Variants in PDE2A observed in about 807,000 individuals in gnomAD.
The protein encoded by PDE2A is phosphodiesterase 2A, also known as cGMP-dependent 3',5'-cyclic phosphodiesterase.
PDE2A carries 53 observed loss-of-function variants against 133.6 expected under a neutral mutation model. The ratio of observed to expected loss-of-function variants is 0.40; its 90% CI spans 0.32 to 0.50. The LOEUF is 0.50. Ranked by LOEUF, PDE2A falls within the 20% of genes least tolerant of loss-of-function variation. PDE2A has a pLI of 0.73. For synonymous variants in PDE2A, 491 were observed against 490.2 expected (o/e 1.00, Z -0.02); for missense variants, 796 against 1,232.4 (o/e 0.65, Z 5.30).
intron 30 of PDE2A, among the ~76,000 whole-genome samples, chr11:72,577,842 C>T (rs1211695620): frequency 1.3e-5 from 2 of 152,132 alleles, no homozygotes; most frequent in African/African-American, 4.8e-5. Context: ...CGTGGTGGTG[C>T]ATGCCTGTAA....
chr11:72,668,231 T>C (rs1855293808), intron 1 of PDE2A: 3 of 717,066 alleles, frequency 4.2e-6, no homozygotes, highest in Admixed American at 4.0e-5. Flanking sequence ...CAGTAATGTA[T>C]GGAAAGAGCA....
intron 13 of PDE2A, 66 bp downstream of exon 13, chr11:72,588,718 C>A: frequency 1.3e-6 from 2 of 1,505,852 alleles, no homozygotes; most frequent in Non-Finnish European, 1.8e-6. Flanking sequence ...ACATTGTTAC[C>A]CTCGTGGAGC....
intron 1 of PDE2A, among the ~76,000 whole-genome samples, chr11:72,649,032 G>A (rs144989455): frequency 3.5e-4 from 54 of 152,176 alleles, no homozygotes; most frequent in African/African-American, 1.3e-3. Context: ...CACCCATATG[G>A]CTTCCTATTG....
chr11:72,579,892 G>A (rs139824814), intron 25 of PDE2A: 1 of 431,960 alleles, frequency 2.3e-6, no homozygotes, highest in African/African-American at 2.0e-5. Context: ...GAACATTTTT[G>A]AAATGATCCT....
intron 4 of PDE2A, chr11:72,599,151 T>C (rs1015395541): frequency 1.1e-5 from 4 of 371,750 alleles, no homozygotes; most frequent in Non-Finnish European, 1.5e-5. Flanking sequence ...TGCAGCCTCA[T>C]CCTGCCGACT....
intron 2 of PDE2A, among the ~76,000 whole-genome samples, chr11:72,639,248 G>A (rs1341046854): frequency 6.6e-6 from 1 of 152,228 alleles, no homozygotes; most frequent in Non-Finnish European, 1.5e-5. Context: ...AAGTGTCTCT[G>A]TGAGGATGGG....
intron 2 of PDE2A, among the ~76,000 whole-genome samples, chr11:72,625,540 A>G (rs1858014768): frequency 6.6e-6 from 1 of 152,198 alleles, no homozygotes; most frequent in Admixed American, 6.5e-5. Context: ...GAGCCAGGAA[A>G]CAGGGAGGAG....
chr11:72,636,959 C>T (rs1591113185), intron 2 of PDE2A, among the ~76,000 whole-genome samples: 1 of 152,360 alleles, frequency 6.6e-6, no homozygotes, highest in Admixed American at 6.5e-5. Flanking sequence ...GCTGGGCCAG[C>T]TTTACCAGTC....
chr11:72,615,979 G>T (rs1451718687), intron 2 of PDE2A, among the ~76,000 whole-genome samples: 1 of 152,184 alleles, frequency 6.6e-6, no homozygotes, highest in Non-Finnish European at 1.5e-5. Flanking sequence ...CAGGCCTCCA[G>T]CTCTGAGTTT....
In PDE2A at chr11:72,620,210, T is replaced by C. The variant is rs79361820; in HGVS notation, c.145-11459A>G. Reference sequence around the variant, plus strand: ...CAGCCTGGAACTAGAGGGTCTCTGATTATAGGACTGGGGTAGACACATTCC... The same window carrying C: ...CAGCCTGGAACTAGAGGGTCTCTGACTATAGGACTGGGGTAGACACATTCC... On this transcript the variant is annotated intron_variant, in intron 2 of 30. Transcript: ENST00000334456. 5.1e-4 allele frequency among the ~76,000 whole-genome samples: 77 copies of C among 152,274 alleles called. 1 individual carries two copies. The East Asian group carries it at 0.014, about 28-fold the overall frequency.
intron 4 of PDE2A, chr11:72,598,724 C>A: frequency 7.9e-7 from 1 of 1,269,850 alleles, no homozygotes; most frequent in South Asian, 1.3e-5. Context: ...ATCACTAGGT[C>A]AGAGACTCTA....
intron 2 of PDE2A, among the ~76,000 whole-genome samples, chr11:72,612,074 G>C (rs924590829): frequency 1.3e-5 from 2 of 152,266 alleles, no homozygotes; most frequent in African/African-American, 4.8e-5. Context: ...ATCTTAAAAG[G>C]AAGAGGAAAG....
chr11:72,654,338 G>A (rs1028537639), intron 1 of PDE2A, among the ~76,000 whole-genome samples: 3 of 152,226 alleles, frequency 2.0e-5, no homozygotes, highest in Non-Finnish European at 4.4e-5. Flanking sequence ...ACGGATGAGA[G>A]GGCTGAGGAA....
intron 2 of PDE2A, among the ~76,000 whole-genome samples, chr11:72,617,702 G>A (rs916037083): frequency 6.6e-6 from 1 of 152,164 alleles, no homozygotes; most frequent in South Asian, 2.1e-4. Flanking sequence ...GAGCCGGTAG[G>A]GAACCCCAGG....
chr11:72,670,839 A>G (rs186247301), intron 1 of PDE2A, among the ~76,000 whole-genome samples: 2 of 152,250 alleles, frequency 1.3e-5, no homozygotes, highest in Admixed American at 1.3e-4. Flanking sequence ...TATAACCACC[A>G]CAAGGGAAGG....
Position 72,624,891 on chromosome 11 carries a change from A to G in PDE2A, c.145-16140T>C, listed in dbSNP as rs373721350. Among the ~76,000 whole-genome samples, 51 of 152,286 alleles carry G rather than the reference A, an allele frequency of 3.3e-4. No homozygotes were observed. In the South Asian group the frequency reaches 0.011, roughly 32 times the overall value. On this transcript the variant is annotated intron_variant, in intron 2 of 30. Coordinates refer to ENST00000334456, the MANE Select transcript of PDE2A (RefSeq NM_002599.5). ...GGTCACGTACTTGATATTACACGTC[A>G]TAAGCTCCGTGTCACATGTGCAGAA...
intron 1 of PDE2A, among the ~76,000 whole-genome samples, chr11:72,645,342 G>A (rs1591125259): frequency 6.6e-6 from 1 of 152,206 alleles, no homozygotes; most frequent in Non-Finnish European, 1.5e-5. Context: ...TTGGTAGAGT[G>A]CAGAGCCCTT....
At chr11:72,605,013 C>G (rs998833797) in intron 4 of PDE2A, 125 bp downstream of exon 4, 1 of 558,240 alleles carries the variant, frequency 1.8e-6, no homozygotes, top group Non-Finnish European at 3.2e-6. Flanking sequence ...AGGAATCCCA[C>G]CTGGCAGGGA....
intron 2 of PDE2A, among the ~76,000 whole-genome samples, chr11:72,641,648 A>T (rs1437606264): frequency 2.0e-5 from 3 of 152,206 alleles, no homozygotes; most frequent in Admixed American, 6.5e-5. Context: ...GAGATCTCCA[A>T]CACAGGAGGG....
Sources: gnomAD v4.1 joint callset for allele counts (sites outside exome capture counted in the v4.1 genomes callset) on GRCh38, gnomAD v4.1.1 for gene constraint, MANE v1.5 for transcripts, NCBI Gene and HGNC (gene_info 2026-07-23, HGNC 2026-07-21) for gene names.